FNIP2: variants seen among roughly 807,000 people sequenced by gnomAD.
FNIP2 encodes the protein folliculin interacting protein 2.
Under a neutral mutation model 108.7 loss-of-function variants are expected in FNIP2, and 32 were observed. The observed-to-expected ratio is 0.29, with a 90% CI of 0.22 to 0.40. The LOEUF (loss-of-function observed/expected upper bound fraction) is 0.40, where lower values mean the gene tolerates loss of function less well. Among genes scored for constraint, FNIP2 ranks in the 10% least tolerant of loss-of-function variants. The probability of loss-of-function intolerance (pLI) is 1.00; values close to 1 mark genes in which losing one functional copy is unlikely to be tolerated. For missense variants in FNIP2, 1,202 were observed against 1,381.6 expected (o/e 0.87, Z 2.06); for synonymous variants, 480 against 496.7 (o/e 0.97, Z 0.45).
intron 1 of FNIP2, among the ~76,000 whole-genome samples, chr4:158,778,450 C>G (rs1300357018): frequency 6.6e-6 from 1 of 152,168 alleles, no homozygotes; most frequent in Admixed American, 6.5e-5. Context: ...GCACACCATT[C>G]TGAGTAGCAC....
chr4:158,771,458 T>A (rs989719205), intron 1 of FNIP2, among the ~76,000 whole-genome samples: 2 of 152,346 alleles, frequency 1.3e-5, no homozygotes. Flanking sequence ...AACCTGTGTT[T>A]CATTTTACCC....
chr4:158,861,038 A>T (rs1578929837), intron 10 of FNIP2, among the ~76,000 whole-genome samples: 1 of 152,196 alleles, frequency 6.6e-6, no homozygotes, highest in African/African-American at 2.4e-5. Flanking sequence ...CTGTACTTTC[A>T]GTTTCTGTAG....
At chr4:158,798,887 A>G (rs1560760795) in intron 1 of FNIP2, among the ~76,000 whole-genome samples, 1 of 152,208 alleles carries the variant, frequency 6.6e-6, no homozygotes, top group Non-Finnish European at 1.5e-5. Flanking sequence ...GCCTGAATGA[A>G]TTTTTTATTC....
intron 16 of FNIP2, among the ~76,000 whole-genome samples, chr4:158,897,809 G>C (rs1340489849): frequency 6.6e-6 from 1 of 152,150 alleles, no homozygotes; most frequent in Non-Finnish European, 1.5e-5. Context: ...TCTGATGATA[G>C]TTTATTTTGC....
chr4:158,794,381 C>G (rs923949048), intron 1 of FNIP2, among the ~76,000 whole-genome samples: 1 of 152,148 alleles, frequency 6.6e-6, no homozygotes, highest in African/African-American at 2.4e-5. Context: ...GTCTTGAACT[C>G]CTGAACTCAA....
chr4:158,903,736 C>T (rs1302308653), intron 16 of FNIP2, among the ~76,000 whole-genome samples: 3 of 152,152 alleles, frequency 2.0e-5, no homozygotes, highest in South Asian at 2.1e-4. Context: ...ATGCCAGATA[C>T]TGTTTTATTT....
At chr4:158,854,561 G>A (rs1479249681) in intron 8 of FNIP2, among the ~76,000 whole-genome samples, 4 of 152,228 alleles carry the variant, frequency 2.6e-5, no homozygotes, top group African/African-American at 7.2e-5. Context: ...TAAGGGTCAT[G>A]GCTCCTGTAA....
At chr4:158,897,563 G>A (rs561214553) in intron 16 of FNIP2, among the ~76,000 whole-genome samples, 1 of 152,196 alleles carries the variant, frequency 6.6e-6, no homozygotes, top group South Asian at 2.1e-4. Flanking sequence ...ATCTCATTGT[G>A]GTTTTGATTT....
intron 14 of FNIP2, among the ~76,000 whole-genome samples, chr4:158,887,827 C>G (rs1782100838): frequency 6.7e-6 from 1 of 148,234 alleles, no homozygotes; most frequent in South Asian, 2.1e-4. Context: ...CAAATCCAAA[C>G]ATAGTTTTCT....
At chr4:158,895,685 G>A (rs1407534866) in intron 15 of FNIP2, 65 bp from the exon 16 acceptor site, 8 of 981,304 alleles carry the variant, frequency 8.2e-6, no homozygotes, top group Non-Finnish European at 1.1e-5. Flanking sequence ...AGAAAATTCT[G>A]ACTCTTAAAA....
chr4:158,888,300 T>C (rs1221065424), intron 14 of FNIP2, among the ~76,000 whole-genome samples: 1 of 152,248 alleles, frequency 6.6e-6, no homozygotes, highest in Non-Finnish European at 1.5e-5. Flanking sequence ...GAAAAGGTTC[T>C]GCTGGTTCTT....
rs756951834 is a variant in FNIP2 at position 158,868,969 on chromosome 4, G to C, written c.2333G>C (p.Cys778Ser). The C allele has an allele frequency of 1.2e-6, 2 of 1,613,978 alleles. No individual in the cohort carries two copies. The highest frequency in any genetic ancestry group is 1.7e-5 in the Admixed American group (1 of 60,024). Residue 778 changes from cysteine to serine, a missense_variant, in exon 13 of 17, where the codon TGT becomes TCT. This residue lies in a region of FNIP2 where 878 missense variants were observed against 990.3 expected (regional missense o/e 0.89). Transcript: ENST00000264433. This position sits in a 1 kb window ranked among gnomAD's most constrained non-coding sequence, Gnocchi z 4.6. ...CCTGGCTTTCAGGAGAATGTTTGCT[G>C]TCCTCAGAATCGGCTTTCAGAGGGG... Reference protein sequence around the residue: ...FKPGFQENVCCPQNRLSEGDE... With the variant: ...FKPGFQENVCSPQNRLSEGDE...
chr4:158,845,522 C>G (rs2126635502), intron 7 of FNIP2, among the ~76,000 whole-genome samples: 1 of 152,352 alleles, frequency 6.6e-6, no homozygotes, highest in Non-Finnish European at 1.5e-5. Flanking sequence ...CCTCAGGCCA[C>G]CAAGTTACTG....
intron 14 of FNIP2, chr4:158,872,388 T>C (rs1180016330): frequency 1.0e-6 from 1 of 985,458 alleles, no homozygotes; most frequent in Non-Finnish European, 1.2e-6. Context: ...TACTCTGTCA[T>C]TACTCTTCAA....
chr4:158,840,387 T>G (rs1432689091), intron 7 of FNIP2, among the ~76,000 whole-genome samples: 1 of 151,976 alleles, frequency 6.6e-6, no homozygotes, highest in Non-Finnish European at 1.5e-5. Flanking sequence ...AAGCTAAAAT[T>G]TGTTTTTTTG....
At chr4:158,813,062 T>C (rs1410292825) in intron 1 of FNIP2, among the ~76,000 whole-genome samples, 1 of 152,150 alleles carries the variant, frequency 6.6e-6, no homozygotes, top group Non-Finnish European at 1.5e-5. Flanking sequence ...CTTCGTAGCA[T>C]GGTAGTTCAT....
In FNIP2 at chr4:158,869,048, C is replaced by A; in HGVS notation, c.2412C>A (p.Asp804Glu). Residue 804 changes from aspartate (D) to glutamate (E), a missense_variant, in exon 13 of 17, where the codon GAC (aspartate) becomes GAA (glutamate). Physicochemically the swap from Asp to Glu is conservative, Grantham distance 45. This residue lies in a region of FNIP2 where 878 missense variants were observed against 990.3 expected (regional missense o/e 0.89). Coordinates refer to ENST00000264433, the MANE Select transcript of FNIP2 (RefSeq NM_020840.3). ...CAGAGGACAGAGGCAGCAGAAACGACATGGCAGCAGATATTGCTGGGCAGC... is the reference window on the plus strand; with the variant it reads ...CAGAGGACAGAGGCAGCAGAAACGAAATGGCAGCAGATATTGCTGGGCAGC... ...GFAEDRGSRN[D>E]MAADIAGQLS... 6.2e-7 allele frequency: 1 copy of A among 1,614,014 alleles called. No homozygotes were observed. Among genetic ancestry groups the A allele is most frequent in the Non-Finnish European group, 8.5e-7 (1 of 1,179,890 alleles).
intron 14 of FNIP2, chr4:158,872,061 T>C (rs1780983644): frequency 1.0e-6 from 1 of 985,378 alleles, no homozygotes; most frequent in Non-Finnish European, 1.2e-6. Flanking sequence ...GTGTTGGTTA[T>C]TGGACCTTCC....
intron 7 of FNIP2, among the ~76,000 whole-genome samples, chr4:158,846,136 T>C (rs1248026154): frequency 6.6e-6 from 1 of 152,212 alleles, no homozygotes; most frequent in Non-Finnish European, 1.5e-5. Flanking sequence ...GTGTTGTATG[T>C]GTATTGATTT....
Sources: gnomAD v4.1 joint callset for allele counts (sites outside exome capture counted in the v4.1 genomes callset) on GRCh38, gnomAD v4.1.1 for gene constraint, gnomAD v4.1.1 regional missense constraint, Gnocchi (gnomAD v3.1) non-coding constraint, MANE v1.5 for transcripts, NCBI Gene and HGNC (gene_info 2026-07-23, HGNC 2026-07-21) for gene names.